FOXM1: variants seen among roughly 807,000 people sequenced by gnomAD.
FOXM1 encodes forkhead box protein M1.
In FOXM1, 25 loss-of-function variants were observed where a neutral mutation model predicts 63.6. The ratio of observed to expected loss-of-function variants is 0.39; its 90% CI spans 0.29 to 0.55. The LOEUF (loss-of-function observed/expected upper bound fraction) is 0.55. Ranked by LOEUF, FOXM1 falls within the 20% of genes least tolerant of loss-of-function variation. FOXM1 has a pLI of 0.60. For synonymous variants in FOXM1, 387 were observed against 376.9 expected, an observed-to-expected ratio of 1.03 and a Z score of -0.31; for missense variants, 879 against 958.7, an observed-to-expected ratio of 0.92 and a Z score of 1.10.
At chr12:2,862,115 G>C (rs998670594) in intron 8 of FOXM1, among the ~76,000 whole-genome samples, 22 of 151,192 alleles carry the variant, frequency 1.5e-4, no homozygotes, top group African/African-American at 5.1e-4. Flanking sequence ...GGAGGCGGAG[G>C]TTGCAGTGAG....
At chr12:2,869,538 C>T (rs1393332804) in intron 3 of FOXM1, among the ~76,000 whole-genome samples, 2 of 149,922 alleles carry the variant, frequency 1.3e-5, no homozygotes, top group Non-Finnish European at 3.0e-5. Flanking sequence ...TGGGTTCAAG[C>T]GATTCTCCTG....
rs749593581 is a variant in FOXM1, at chr12:2,865,334, G to A, written c.1020+21C>T. On this transcript the variant is annotated intron_variant, in intron 6 of 8. Transcript: ENST00000359843. ...AAAGGAAAACAAGGCCAAGCCCCGA[G>A]CCAGAGGGAAAGAACCTTACTGATT... The A allele has an allele frequency of 3.1e-6, 5 of 1,603,892 alleles. No individual in the cohort carries two copies. In the South Asian group the frequency reaches 4.4e-5, roughly 14 times the overall value.
intron 8 of FOXM1, among the ~76,000 whole-genome samples, chr12:2,862,227 G>A (rs916021853): frequency 1.0e-4 from 15 of 150,240 alleles, no homozygotes; most frequent in Non-Finnish European, 1.6e-4. Flanking sequence ...TGCACAACAT[G>A]ATTACATTAT....
Position 2,864,536 on chromosome 12 carries a change from G to A in FOXM1, c.1091-41C>T, listed in dbSNP as rs1408560459. On this transcript the variant is annotated intron_variant, in intron 7 of 8. Coordinates refer to ENST00000359843, the MANE Select transcript of FOXM1 (RefSeq NM_021953.4). The surrounding 1 kb of genome is among the most constrained non-coding windows in gnomAD (Gnocchi z 5.1). The stretch of plus-strand genomic sequence containing the variant: ...AGAGATCAGGAGCAGGGGGACTGGA[G>A]TACACCCCTTCTCAGCCCCAGGAGC... 6.3e-7 allele frequency: 1 copy of A among 1,596,038 alleles called. No homozygotes were observed. Among genetic ancestry groups the A allele is most frequent in the African/African-American group, 1.3e-5 (1 of 74,470 alleles).
At position 2,858,145 on chromosome 12, in the gene FOXM1, T is replaced by G. The variant is rs942975137; in HGVS notation, c.*493A>C. On this transcript the variant is annotated 3_prime_UTR_variant, in exon 9 of 9. Transcript: ENST00000359843. ...CCTCAGCCTGGAAGAAACCGTGCAC[T>G]GCAGGTCTTCCCTTCTATCAAAACT... The G allele has an allele frequency of 6.5e-6, 1 of 154,534 alleles. No individual in the cohort carries two copies. Among genetic ancestry groups the G allele is most frequent in the Non-Finnish European group, 1.4e-5 (1 of 69,406 alleles). 9.6% of individuals were successfully genotyped at this position (154,534 alleles called of 1,614,324 possible).
Position 2,859,245 on chromosome 12 carries a change from A to T in FOXM1, c.1685T>A (p.Phe562Tyr), listed in dbSNP as rs766746704. 3.4e-5 allele frequency: 55 copies of T among 1,613,674 alleles called. No individual in the cohort carries two copies. The highest frequency in any genetic ancestry group is 4.7e-5 in the Non-Finnish European group (55 of 1,179,978). ...PPCVDEPELL[F>Y]SEGPSTSRWA... is the part of the protein sequence containing the mutation. ...GCGGGAAGTACTGGGCCCCTCTGAG[A>T]AGAGCAGCTCCGGCTCATCCACACA... is the stretch of plus-strand genomic sequence containing the variant. The change falls in exon 9 of 9, where the codon TTC becomes TAC. Residue 562 changes from phenylalanine (F) to tyrosine (Y), a missense_variant. Phe to Tyr is a conservative substitution (Grantham distance 22). Transcript: ENST00000359843.
intron 3 of FOXM1, among the ~76,000 whole-genome samples, chr12:2,869,753 T>C (rs1157726639): frequency 6.7e-6 from 1 of 149,184 alleles, no homozygotes; most frequent in African/African-American, 2.5e-5. Flanking sequence ...TTTTTTTTTT[T>C]CGTATTTTTA....
intron 6 of FOXM1, 26 bp downstream of exon 6, chr12:2,865,329 C>T: frequency 6.3e-7 from 1 of 1,599,842 alleles, no homozygotes; most frequent in Non-Finnish European, 8.5e-7. Context: ...AAGGCCAAGC[C>T]CCGAGCCAGA....
In FOXM1 at chr12:2,863,259, AG is replaced by A. The variant is rs566048859; in HGVS notation, c.1266+1060del. Among the ~76,000 whole-genome samples the A allele has an allele frequency of 4.7e-3, 717 of 152,334 alleles. 4 individuals carry two copies. The highest frequency in any genetic ancestry group is 0.016 in the African/African-American group (679 of 41,582). ...GAATTCTCCAGCTGTCAACGTGAAT[AG>A]TACTTGAGAAACCCTGAGTTAGTCT... On this transcript the variant is annotated intron_variant, in intron 8 of 8. Coordinates refer to ENST00000359843, the MANE Select transcript of FOXM1 (RefSeq NM_021953.4).
Position 2,864,297 on chromosome 12 carries a change from T to G in FOXM1, c.1266+23A>C, listed in dbSNP as rs528382649. ...ATTCTTAATTGGCCAGAATCTCTCTTCAGAGGAAAATAGGACACCCACCTT... is the reference window on the plus strand; with the variant it reads ...ATTCTTAATTGGCCAGAATCTCTCTGCAGAGGAAAATAGGACACCCACCTT... On this transcript the variant is annotated intron_variant, in intron 8 of 8. Coordinates refer to ENST00000359843, the MANE Select transcript of FOXM1 (RefSeq NM_021953.4). This position sits in a 1 kb window ranked among gnomAD's most constrained non-coding sequence, Gnocchi z 5.1. 1.1e-5 allele frequency: 18 copies of G among 1,593,332 alleles called. No individual in the cohort carries two copies. In the East Asian group the frequency reaches 3.8e-4, roughly 34 times the overall value.
chr12:2,862,035 T>G (rs1271019370), intron 8 of FOXM1, among the ~76,000 whole-genome samples: 2 of 151,950 alleles, frequency 1.3e-5, no homozygotes. Context: ...AAAAATTAGC[T>G]GGGCGTGGTG....
At chr12:2,860,056 T>A (rs978912439) in intron 8 of FOXM1, among the ~76,000 whole-genome samples, 4 of 151,884 alleles carry the variant, frequency 2.6e-5, no homozygotes, top group African/African-American at 9.7e-5. Flanking sequence ...AACCTTAAAA[T>A]CATACAAATC....
At position 2,864,411 on chromosome 12, in the gene FOXM1, T is replaced by C; in HGVS notation, c.1175A>G (p.Gln392Arg). Reference sequence around the variant, plus strand: ...GGGCAATGGCACCTTCACCGAGGGCTGCAACACCAGTGACTGGTTCACCGG... The same window carrying C: ...GGGCAATGGCACCTTCACCGAGGGCCGCAACACCAGTGACTGGTTCACCGG... ...QFPVNQSLVL[Q>R]PSVKVPLPLA... is the part of the protein sequence containing the mutation. The change falls in exon 8 of 9, where the codon CAG (glutamine) becomes CGG (arginine). Residue 392 changes from glutamine to arginine, a missense_variant. Physicochemically the swap from Gln to Arg is conservative, Grantham distance 43. Coordinates refer to ENST00000359843, the MANE Select transcript of FOXM1 (RefSeq NM_021953.4). The surrounding 1 kb of genome is among the most constrained non-coding windows in gnomAD (Gnocchi z 5.1). The C allele has an allele frequency of 6.2e-7, 1 of 1,614,178 alleles. No homozygotes were observed. The highest frequency in any genetic ancestry group is 1.6e-4 in the Middle Eastern group (1 of 6,062).
rs1245944939 is a variant in FOXM1 at position 2,874,706 on chromosome 12, G to A, written c.-47-181C>T. Among the ~76,000 whole-genome samples the A allele has an allele frequency of 2.0e-4, 31 of 152,128 alleles. No individual in the cohort carries two copies. Among genetic ancestry groups the A allele is most frequent in the Admixed American group, 2.0e-3 (31 of 15,238 alleles). On this transcript the variant is annotated intron_variant, in intron 1 of 8. Coordinates refer to ENST00000359843, the MANE Select transcript of FOXM1 (RefSeq NM_021953.4). This position sits in a 1 kb window ranked among gnomAD's most constrained non-coding sequence, Gnocchi z 4.3. The stretch of plus-strand genomic sequence containing the variant: ...GAGATAAGCTTTACTGACAAAAGAA[G>A]GCTAAAATTACAGCAGACAGAAGCA...
Position 2,864,686 on chromosome 12 carries a change from C to A in FOXM1, c.1087G>T (p.Ala363Ser). 6.2e-7 allele frequency: 1 copy of A among 1,614,078 alleles called. No individual in the cohort carries two copies. The highest frequency in any genetic ancestry group is 8.5e-7 in the Non-Finnish European group (1 of 1,179,952). The change falls in exon 7 of 9, where the codon GCA becomes TCA. Residue 363 changes from alanine (A) to serine (S), a missense_variant. Ala to Ser is a moderately conservative substitution (Grantham distance 99). Coordinates refer to ENST00000359843, the MANE Select transcript of FOXM1 (RefSeq NM_021953.4). The surrounding 1 kb of genome is among the most constrained non-coding windows in gnomAD (Gnocchi z 5.1). ...MTIKTELPLGARRKMKPLLPR... is the reference protein window; with the variant it reads ...MTIKTELPLGSRRKMKPLLPR... ...AGGCCCACTCTCCCATACTAACGTGCGCCCAGGGGGAGTTCGGTTTTGATG... is the reference window on the plus strand; with the variant it reads ...AGGCCCACTCTCCCATACTAACGTGAGCCCAGGGGGAGTTCGGTTTTGATG...
At position 2,858,681 on chromosome 12, in the gene FOXM1, G is replaced by A. The variant is rs753701595; in HGVS notation, c.2249C>T (p.Pro750Leu). 5 of 1,614,176 alleles carry A rather than the reference G, an allele frequency of 3.1e-6. No individual in the cohort carries two copies. Among genetic ancestry groups the A allele is most frequent in the Non-Finnish European group, 4.2e-6 (5 of 1,180,018 alleles). Residue 750 changes from proline (P) to leucine (L), a missense_variant, in exon 9 of 9, where the codon CCT (proline) becomes CTT (leucine). Coordinates refer to ENST00000359843, the MANE Select transcript of FOXM1 (RefSeq NM_021953.4). ...AAACTGGGACCAGTTGATGTTGTCAGGGCCCAGTGGGTCCTCGTCCAGGCC... is the reference window on the plus strand; with the variant it reads ...AAACTGGGACCAGTTGATGTTGTCAAGGCCCAGTGGGTCCTCGTCCAGGCC... ...FPGLDEDPLG[P>L]DNINWSQFIP...
chr12:2,864,683 G>A lies in FOXM1; in HGVS notation c.1090C>T (p.Arg364Trp), dbSNP rs140482241. 11 of 1,613,874 alleles carry A rather than the reference G, an allele frequency of 6.8e-6. No individual in the cohort carries two copies. The highest frequency in any genetic ancestry group is 1.7e-5 in the Admixed American group (1 of 59,990). ...TIKTELPLGA[R>W]RKMKPLLPRV... ...CCAAGGCCCACTCTCCCATACTAAC[G>A]TGCGCCCAGGGGGAGTTCGGTTTTG... is the stretch of plus-strand genomic sequence containing the variant. The change falls in exon 7 of 9, where the codon CGG (arginine) becomes TGG (tryptophan). Residue 364 changes from arginine to tryptophan, a missense_variant and splice_region_variant. By Grantham distance (101) the Arg-to-Trp change is moderately radical. Around this residue, in one of 4 missense-constraint regions of FOXM1, gnomAD observed 76 missense variants for 94.5 expected, o/e 0.80. Coordinates refer to ENST00000359843, the MANE Select transcript of FOXM1 (RefSeq NM_021953.4). This position sits in a 1 kb window ranked among gnomAD's most constrained non-coding sequence, Gnocchi z 5.1.
chr12:2,870,698 C>T (rs868007769), intron 3 of FOXM1, among the ~76,000 whole-genome samples: 14 of 151,652 alleles, frequency 9.2e-5, no homozygotes, highest in East Asian at 5.8e-4. Context: ...CAGTGGCTCA[C>T]GCCTGTAATC....
chr12:2,875,655 C>T (rs976402452), intron 1 of FOXM1, among the ~76,000 whole-genome samples: 1 of 151,950 alleles, frequency 6.6e-6, no homozygotes, highest in African/African-American at 2.4e-5. Context: ...AGACTATAAC[C>T]CCTGTCTTCT....
Sources: allele counts gnomAD v4.1 joint callset (sites outside exome capture counted in the v4.1 genomes callset), GRCh38; gene constraint gnomAD v4.1.1; regional missense constraint gnomAD v4.1.1; non-coding constraint Gnocchi (gnomAD v3.1); transcripts MANE v1.5; gene names NCBI Gene and HGNC (gene_info 2026-07-23, HGNC 2026-07-21).